NSMAF: variants seen among roughly 807,000 people sequenced by gnomAD.
NSMAF encodes protein FAN.
A neutral mutation model predicts 134.9 loss-of-function variants in NSMAF; 90 were observed. The observed-to-expected ratio is 0.67, with a 90% confidence interval of 0.56 to 0.79. The LOEUF (loss-of-function observed/expected upper bound fraction) is 0.79. Among genes scored for constraint, NSMAF ranks in the 30% least tolerant of loss-of-function variants. The pLI is 0.00. For missense variants in NSMAF, 1,010 were observed against 1,119.0 expected (o/e 0.90, Z 1.39); for synonymous variants, 358 against 389.6 (o/e 0.92, Z 0.96).
At chr8:58,641,260 T>C (rs935580027) in intron 2 of NSMAF, among the ~76,000 whole-genome samples, 15 of 152,220 alleles carry the variant, frequency 9.9e-5, no homozygotes, top group African/African-American at 3.4e-4. Flanking sequence ...ATTAAAAATC[T>C]ACAAAAGATG....
At chr8:58,602,211 C>T (rs1806300798) in intron 13 of NSMAF, 74 bp from the exon 14 acceptor site, 2 of 1,165,190 alleles carry the variant, frequency 1.7e-6, no homozygotes, top group Non-Finnish European at 2.5e-6. Flanking sequence ...TTCAAATATA[C>T]ACATTTACTT....
intron 26 of NSMAF, among the ~76,000 whole-genome samples, chr8:58,588,229 A>G (rs1200019203): frequency 6.6e-6 from 1 of 152,230 alleles, no homozygotes; most frequent in African/African-American, 2.4e-5. Flanking sequence ...GAAAAGACTG[A>G]ACATATTCCT....
In NSMAF at chr8:58,585,970, T is replaced by C; in HGVS notation, c.2477A>G (p.Asp826Gly). ...CACATCAATGACATTAAGACAGCCA[T>C]CTGTTCCTGTGCTGAGGACATGGCG... ...DSRHVLSTGT[D>G]GCLNVIDVQT... Residue 826 changes from aspartate (D) to glycine (G), a missense_variant, in exon 29 of 31, where the codon GAT (aspartate) becomes GGT (glycine). Transcript: ENST00000038176. The C allele has an allele frequency of 1.2e-6, 2 of 1,614,068 alleles. No individual in the cohort carries two copies. Among genetic ancestry groups the C allele is most frequent in the Non-Finnish European group, 8.5e-7 (1 of 1,179,986 alleles).
chr8:58,584,186 T>C lies in NSMAF; in HGVS notation c.2674A>G (p.Ile892Val), dbSNP rs777480982. 13 of 1,613,314 alleles carry C rather than the reference T, an allele frequency of 8.1e-6. No homozygotes were observed. The highest frequency in any genetic ancestry group is 1.0e-5 in the Non-Finnish European group (12 of 1,179,482). ...CTGCTACACTGTTCATTCATCCATA[T>C]ACATGTCACAGCACCTGAGAGAAAG... ...IQGHTGAVTC[I>V]WMNEQCSSII... The change falls in exon 31 of 31, where the codon ATA (isoleucine) becomes GTA (valine). Residue 892 changes from isoleucine (I) to valine (V), a missense_variant. Coordinates refer to ENST00000038176, the MANE Select transcript of NSMAF (RefSeq NM_003580.4).
chr8:58,623,841 C>G, intron 6 of NSMAF, 61 bp from the exon 7 acceptor site: 1 of 1,346,488 alleles, frequency 7.4e-7, no homozygotes, highest in South Asian at 1.2e-5. Context: ...AACTATGCTA[C>G]TTTAAGAACA....
chr8:58,626,735 T>C (rs1326386097), intron 6 of NSMAF, among the ~76,000 whole-genome samples: 4 of 152,234 alleles, frequency 2.6e-5, no homozygotes, highest in African/African-American at 7.2e-5. Context: ...GACAGTGGGA[T>C]TGCTGGATTG....
chr8:58,597,964 T>C (rs1806177920), intron 19 of NSMAF, 62 bp from the exon 20 acceptor site: 1 of 1,216,146 alleles, frequency 8.2e-7, no homozygotes, highest in Non-Finnish European at 1.2e-6. Context: ...ATACACTGTT[T>C]AGAACCTAAA....
In NSMAF at chr8:58,603,158, C is replaced by T. The variant is rs1806323717; in HGVS notation, c.1045+52G>A. On this transcript the variant is annotated intron_variant, in intron 13 of 30. Transcript: ENST00000038176. The stretch of plus-strand genomic sequence containing the variant: ...TTTATTCTGTCCTTTAAAAACAATA[C>T]AGATGACTACTCCCCACTCAACTTG... The T allele has an allele frequency of 2.6e-6, 4 of 1,518,202 alleles. No homozygotes were observed. The East Asian group carries it at 9.0e-5, about 34-fold the overall frequency. 94.0% of individuals were successfully genotyped at this position (1,518,202 alleles called of 1,614,324 possible).
intron 6 of NSMAF, among the ~76,000 whole-genome samples, chr8:58,627,963 T>A (rs1332257800): frequency 6.6e-6 from 1 of 152,178 alleles, no homozygotes; most frequent in South Asian, 2.1e-4. Flanking sequence ...TCTGGGGGCA[T>A]CACATTATTC....
chr8:58,645,022 T>A (rs1193818083), intron 1 of NSMAF, among the ~76,000 whole-genome samples: 1 of 151,852 alleles, frequency 6.6e-6, no homozygotes, highest in Non-Finnish European at 1.5e-5. Flanking sequence ...AGATGATGTG[T>A]TGATGGGTGC....
chr8:58,651,039 C>T (rs1807570784), intron 1 of NSMAF, among the ~76,000 whole-genome samples: 1 of 152,164 alleles, frequency 6.6e-6, no homozygotes, highest in African/African-American at 2.4e-5. Context: ...ATGGATTCCC[C>T]TTCAGATGTA....
chr8:58,618,020 A>G (rs1164828091), intron 9 of NSMAF, among the ~76,000 whole-genome samples: 2 of 152,178 alleles, frequency 1.3e-5, no homozygotes, highest in Non-Finnish European at 2.9e-5. Flanking sequence ...AGGGACATGG[A>G]CGAAGCTGGA....
chr8:58,604,380 T>G (rs1266324979), intron 12 of NSMAF, among the ~76,000 whole-genome samples: 1 of 151,840 alleles, frequency 6.6e-6, no homozygotes, highest in African/African-American at 2.4e-5. Flanking sequence ...TATTGTAATC[T>G]TGTTATAGTT....
intron 1 of NSMAF, among the ~76,000 whole-genome samples, chr8:58,645,753 AT>A (rs1293011280): frequency 6.6e-6 from 1 of 152,204 alleles, no homozygotes; most frequent in Non-Finnish European, 1.5e-5. Context: ...TCAAAAAAAA[AT>A]AATAGGCCAG....
chr8:58,618,854 AC>A (rs1272300888), intron 9 of NSMAF, among the ~76,000 whole-genome samples: 3 of 152,134 alleles, frequency 2.0e-5, no homozygotes, highest in Non-Finnish European at 4.4e-5. Context: ...GCGGAAGTTT[AC>A]CTTTTTTTCT....
chr8:58,585,170 C>T (rs1386438659), intron 30 of NSMAF, among the ~76,000 whole-genome samples: 1 of 152,160 alleles, frequency 6.6e-6, no homozygotes, highest in Non-Finnish European at 1.5e-5. Flanking sequence ...GTTTATTATA[C>T]TTCACATAAA....
In NSMAF at chr8:58,659,698, G is replaced by C. The variant is rs1265076092; in HGVS notation, c.-67C>G. On this transcript the variant is annotated 5_prime_UTR_variant, in exon 1 of 31. Coordinates refer to ENST00000038176, the MANE Select transcript of NSMAF (RefSeq NM_003580.4). ...CCGCCGCCGCCTGCCGAGGAGGTCC[G>C]GAGGAGCCGGGGAGGGCGGGATTGG... 2.4e-6 allele frequency: 3 copies of C among 1,267,886 alleles called. No individual in the cohort carries two copies. The highest frequency in any genetic ancestry group is 3.1e-6 in the Non-Finnish European group (3 of 983,558). The allele number at this position is 1,267,886 out of a possible 1,614,324, so 78.5% of individuals were successfully genotyped here. A position where few individuals can be genotyped will look rare whatever the true frequency, so the allele number is the denominator to read the frequency against.
intron 9 of NSMAF, among the ~76,000 whole-genome samples, chr8:58,612,873 T>C (rs1261332122): frequency 2.6e-5 from 4 of 152,106 alleles, no homozygotes; most frequent in African/African-American, 9.7e-5. Flanking sequence ...ACATCGTATA[T>C]AGGGAACAGC....
At chr8:58,611,728 A>C (rs557287179) in intron 9 of NSMAF, among the ~76,000 whole-genome samples, 75 of 152,208 alleles carry the variant, frequency 4.9e-4, no homozygotes, top group Admixed American at 9.2e-4. Flanking sequence ...GTCCTAACTA[A>C]AACAAAACCA....
Sources: gnomAD v4.1 joint callset for allele counts (sites outside exome capture counted in the v4.1 genomes callset) on GRCh38, gnomAD v4.1.1 for gene constraint, MANE v1.5 for transcripts, NCBI Gene and HGNC (gene_info 2026-07-23, HGNC 2026-07-21) for gene names.